The following FSCN3 variants were observed in gnomAD, a reference collection of about 807,000 sequenced individuals.
FSCN3 encodes fascin actin-bundling protein 3, also known as fascin-3.
A neutral mutation model predicts 53.5 loss-of-function variants in FSCN3; 43 were observed. The ratio of observed to expected loss-of-function variants is 0.80; its 90% CI spans 0.63 to 1.04. The LOEUF is 1.04. FSCN3 is among the 50% of genes least tolerant of loss of function. The probability of loss-of-function intolerance (pLI) is 0.00; values close to 1 mark genes in which losing one functional copy is unlikely to be tolerated. For missense variants in FSCN3, 594 were observed against 646.5 expected, an observed-to-expected ratio of 0.92 and a Z score of 0.88; for synonymous variants, 235 against 246.6, an observed-to-expected ratio of 0.95 and a Z score of 0.44.
Position 127,600,354 on chromosome 7 carries a change from G to T in FSCN3, c.1452G>T (p.Leu484Phe), listed in dbSNP as rs759185719. Residue 484 changes from leucine (L) to phenylalanine (F), a missense_variant, in exon 6 of 7, where the codon TTG becomes TTT. Coordinates refer to ENST00000265825, the MANE Select transcript of FSCN3 (RefSeq NM_020369.3). ...YMRADQSGTL[L>F]ADSEDITREC... The stretch of plus-strand genomic sequence containing the variant: ...GAGCCGACCAAAGTGGCACCCTGTT[G>T]GCAGACAGTGAAGACATTACCAGAG... 1.2e-6 allele frequency: 2 copies of T among 1,613,456 alleles called. No individual in the cohort carries two copies. Among genetic ancestry groups the T allele is most frequent in the Non-Finnish European group, 1.7e-6 (2 of 1,179,430 alleles).
chr7:127,597,039 G>A (rs936061593), intron 3 of FSCN3, among the ~76,000 whole-genome samples: 13 of 152,234 alleles, frequency 8.5e-5, no homozygotes, highest in African/African-American at 2.9e-4. Flanking sequence ...CATAATGTTC[G>A]TGTGTCAGTA....
chr7:127,594,021 C>T lies in FSCN3; in HGVS notation c.144+24C>T, dbSNP rs535602142. 4.3e-6 allele frequency: 7 copies of T among 1,611,044 alleles called. No homozygotes were observed. In the East Asian group the frequency reaches 8.9e-5, roughly 21 times the overall value. The stretch of plus-strand genomic sequence containing the variant: ...AGGTGACAAAGCAAACCCATGCTGG[C>T]ACCAGTTTTCTGAGTGGCCAAGCTG... On this transcript the variant is annotated intron_variant, in intron 1 of 6. Coordinates refer to ENST00000265825, the MANE Select transcript of FSCN3 (RefSeq NM_020369.3).
In FSCN3 at chr7:127,599,490, C is replaced by T. The variant is rs1794439899; in HGVS notation, c.1230C>T (p.Asn410=). ...CGGGCCATGACCTCATACAGTGCAA[C>T]CAGGATCAGCCCGACCGCATTCATC... The part of the protein sequence containing the change: ...SSSGHDLIQC[N]QDQPDRIHLL... Residue 410 remains asparagine, a synonymous_variant, in exon 5 of 7, where the codon AAC becomes AAT. Transcript: ENST00000265825. 1.2e-6 allele frequency: 2 copies of T among 1,613,964 alleles called. No homozygotes were observed. The highest frequency in any genetic ancestry group is 2.7e-5 in the African/African-American group (2 of 74,898).
intron 1 of FSCN3, chr7:127,594,394 T>C (rs1794351858): frequency 2.2e-6 from 1 of 462,622 alleles, no homozygotes; most frequent in Non-Finnish European, 4.5e-6. Flanking sequence ...ACAGACCCTA[T>C]TGCCCCATCT....
At chr7:127,594,059 TG>T in intron 1 of FSCN3, 62 bp downstream of exon 1, 1 of 1,493,944 alleles carries the variant, frequency 6.7e-7, no homozygotes, top group Admixed American at 1.9e-5. Flanking sequence ...TGTGTGTGTG[TG>T]CGCGCGCGCG....
At chr7:127,594,695 G>C in intron 1 of FSCN3, 1 of 471,148 alleles carries the variant, frequency 2.1e-6, no homozygotes, top group Non-Finnish European at 4.4e-6. Context: ...TAGCAGTGTC[G>C]GTCTTCATTC....
At chr7:127,594,778 A>G (rs1253875255) in intron 1 of FSCN3, 3 of 471,280 alleles carry the variant, frequency 6.4e-6, no homozygotes, top group African/African-American at 2.0e-5. Context: ...TCTTATAACA[A>G]GGTTGATCAC....
chr7:127,599,592 G>A, intron 5 of FSCN3, 41 bp downstream of exon 5: 3 of 1,585,566 alleles, frequency 1.9e-6, no homozygotes, highest in Non-Finnish European at 2.6e-6. Flanking sequence ...TCACAGTCTA[G>A]TCCCTGCCTT....
rs746408667 is a variant in FSCN3, at chr7:127,600,271, A to G, written c.1369A>G (p.Ile457Val). The G allele has an allele frequency of 3.7e-6, 6 of 1,610,266 alleles. No homozygotes were observed. Among genetic ancestry groups the G allele is most frequent in the Non-Finnish European group, 4.2e-6 (5 of 1,176,500 alleles). The part of the protein sequence containing the change: ...PWGKFALNFC[I>V]ELQGSNLLTV... ...GGGCAAGTTTGCCCTCAACTTCTGT[A>G]TCGAGCTTCAGGGGAGCAACTTACT... Residue 457 changes from isoleucine to valine, a missense_variant, in exon 6 of 7, where the codon ATC (isoleucine) becomes GTC (valine). Ile to Val is a conservative substitution (Grantham distance 29, BLOSUM62 3). Transcript: ENST00000265825.
Position 127,595,795 on chromosome 7 carries a change from A to G in FSCN3, c.633A>G (p.Ser211=), listed in dbSNP as rs1794378779. ...ACCGGCTGTTCTCCCAACCCTCATC[A>G]CAGACAGCTTTTCACATGCAAGTGC... is the stretch of plus-strand genomic sequence containing the variant. The part of the protein sequence containing the change: ...HVDRLFSQPS[S]QTAFHMQVRP... Residue 211 remains serine, a synonymous_variant, in exon 2 of 7, where the codon TCA becomes TCG. Coordinates refer to ENST00000265825, the MANE Select transcript of FSCN3 (RefSeq NM_020369.3). 6.2e-7 allele frequency: 1 copy of G among 1,613,708 alleles called. No individual in the cohort carries two copies. Among genetic ancestry groups the G allele is most frequent in the South Asian group, 1.1e-5 (1 of 91,034 alleles).
At chr7:127,594,127 A>G in intron 1 of FSCN3, 130 bp downstream of exon 1, 7 of 1,126,544 alleles carry the variant, frequency 6.2e-6, no homozygotes, top group Non-Finnish European at 8.6e-6. Context: ...TGTATATGAA[A>G]GTATACTGGA....
rs1587541108 is a variant in FSCN3 at position 127,596,756 on chromosome 7, A to T, written c.960+310A>T. ...AATGCACCTATTAAGTATAAAATTC[A>T]GTAAGTTTTGACAAATGTATCCATC... On this transcript the variant is annotated intron_variant, in intron 3 of 6. Transcript: ENST00000265825. 1.8e-5 allele frequency: 3 copies of T among 165,088 alleles called. No homozygotes were observed. In the East Asian group the frequency reaches 5.0e-4, roughly 27 times the overall value. The allele number at this position is 165,088 out of a possible 1,614,324, so 10.2% of individuals were successfully genotyped here.
Position 127,598,581 on chromosome 7 carries a change from T to C in FSCN3, c.1107T>C (p.Asn369=). The change falls in exon 4 of 7, where the codon AAT becomes AAC. Residue 369 remains asparagine, a synonymous_variant. Transcript: ENST00000265825. ...CACCCAACAGCCTGCTGATGGCCAATGTCATCCTTCCAGGTGAGTGGAGCA... is the reference window on the plus strand; with the variant it reads ...CACCCAACAGCCTGCTGATGGCCAACGTCATCCTTCCAGGTGAGTGGAGCA... ...GIAPNSLLMA[N]VILPGPNEEF... 1 of 1,610,698 alleles carries C rather than the reference T, an allele frequency of 6.2e-7. No individual in the cohort carries two copies. The highest frequency in any genetic ancestry group is 1.3e-5 in the African/African-American group (1 of 74,970).
intron 5 of FSCN3, 120 bp from the exon 6 acceptor site, chr7:127,600,074 A>G (rs184981291): frequency 1.2e-4 from 78 of 651,708 alleles, no homozygotes; most frequent in African/African-American, 8.6e-4. Flanking sequence ...GGACCCGCCA[A>G]TGCAGGCAGG....
Position 127,595,925 on chromosome 7 carries a change from G to A in FSCN3, c.763G>A (p.Glu255Lys). Residue 255 changes from glutamate (E) to lysine (K), a missense_variant, in exon 2 of 7, where the codon GAG becomes AAG. Transcript: ENST00000265825. ...GMGCNPMRGEEWFILQHCPTW... is the reference protein window; with the variant it reads ...GMGCNPMRGEKWFILQHCPTW... Reference sequence around the variant, plus strand: ...GGGCTGCAACCCCATGAGGGGTGAGGAGTGGTTCATCCTACAGCACTGCCC... The same window carrying A: ...GGGCTGCAACCCCATGAGGGGTGAGAAGTGGTTCATCCTACAGCACTGCCC... 2 of 1,609,318 alleles carry A rather than the reference G, an allele frequency of 1.2e-6. No individual in the cohort carries two copies. Among genetic ancestry groups the A allele is most frequent in the South Asian group, 2.2e-5 (2 of 90,136 alleles).
intron 6 of FSCN3, among the ~76,000 whole-genome samples, 179 bp from the exon 7 acceptor site, chr7:127,601,444 A>T (rs1247740038): frequency 6.6e-6 from 1 of 152,238 alleles, no homozygotes; most frequent in African/African-American, 2.4e-5. Context: ...ATCAAGAGCT[A>T]TTAAGCTTCT....
At chr7:127,598,955 A>G (rs1202188971) in intron 4 of FSCN3, among the ~76,000 whole-genome samples, 2 of 149,488 alleles carry the variant, frequency 1.3e-5, no homozygotes, top group Non-Finnish European at 3.0e-5. Context: ...GCGAGACTCT[A>G]TCTCCAAAAA....
At position 127,595,656 on chromosome 7, in the gene FSCN3, G is replaced by A. The variant is rs143868079; in HGVS notation, c.494G>A (p.Arg165His). The A allele has an allele frequency of 2.6e-5, 42 of 1,613,638 alleles. 1 individual carries two copies. The highest frequency in any genetic ancestry group is 5.3e-5 in the African/African-American group (4 of 75,046). The change falls in exon 2 of 7, where the codon CGC becomes CAC. Residue 165 changes from arginine to histidine, a missense_variant. Arg to His is a conservative substitution (Grantham distance 29). Transcript: ENST00000265825. ...GCCCGGGCTGACCCCACTATGGGCCGCATCTGGGTGGACGCAGCAGTTCCC... is the reference window on the plus strand; with the variant it reads ...GCCCGGGCTGACCCCACTATGGGCCACATCTGGGTGGACGCAGCAGTTCCC... ...CYARADPTMGRIWVDAAVPCL... is the reference protein window; with the variant it reads ...CYARADPTMGHIWVDAAVPCL...
rs181533387 is a variant in FSCN3 at position 127,597,241 on chromosome 7, G to A, written c.960+795G>A. On this transcript the variant is annotated intron_variant, in intron 3 of 6. Coordinates refer to ENST00000265825, the MANE Select transcript of FSCN3 (RefSeq NM_020369.3). ...TCATTTATCTTGGGTAAATATGTAG[G>A]AGTGGAATTACTAGGTTGTATAATA... 4.2e-3 allele frequency among the ~76,000 whole-genome samples: 636 copies of A among 152,292 alleles called. 3 individuals are homozygous for A. Among genetic ancestry groups the A allele is most frequent in the Non-Finnish European group, 5.5e-3 (374 of 68,036 alleles).
Sources: allele counts gnomAD v4.1 joint callset (sites outside exome capture counted in the v4.1 genomes callset), GRCh38; gene constraint gnomAD v4.1.1; transcripts MANE v1.5; gene names NCBI Gene and HGNC (gene_info 2026-07-23, HGNC 2026-07-21).